Variants in EPHB1 observed in about 807,000 individuals in gnomAD.
EPHB1 encodes EPH receptor B1.
EPHB1 carries 30 observed loss-of-function variants against 94.4 expected under a neutral mutation model. That is an observed-to-expected ratio of 0.32 (90% CI 0.24 to 0.43). The LOEUF (loss-of-function observed/expected upper bound fraction) is 0.43. EPHB1 is among the 20% of genes least tolerant of loss of function. The pLI, the probability that EPHB1 is intolerant of heterozygous loss-of-function variation, is 1.00. For synonymous variants in EPHB1, 522 were observed against 489.1 expected, an observed-to-expected ratio of 1.07 and a Z score of -0.89; for missense variants, 1,055 against 1,308.3, an observed-to-expected ratio of 0.81 and a Z score of 2.99.
At chr3:134,804,656 C>T (rs912074162) in intron 1 of EPHB1, among the ~76,000 whole-genome samples, 28 of 152,186 alleles carry the variant, frequency 1.8e-4, no homozygotes, top group African/African-American at 6.5e-4. Context: ...TGTCTTTGGG[C>T]ACTTCTACAA....
rs112369480 is a variant in EPHB1 at position 135,015,710 on chromosome 3, G to A, written c.805+63658G>A. ...CAGAAAATGCTGATCTTTTAACCTG[G>A]ATGAACTTGAAAATGGCCTGGGGGA... On this transcript the variant is annotated intron_variant, in intron 3 of 15. Transcript: ENST00000398015. 1.9e-3 allele frequency among the ~76,000 whole-genome samples: 286 copies of A among 152,320 alleles called. 1 individual carries two copies. The highest frequency in any genetic ancestry group is 6.5e-3 in the African/African-American group (270 of 41,566).
At chr3:135,251,840 G>T (rs541258481) in intron 15 of EPHB1, among the ~76,000 whole-genome samples, 1 of 152,182 alleles carries the variant, frequency 6.6e-6, no homozygotes, top group Non-Finnish European at 1.5e-5. Context: ...AGCTGTGCTG[G>T]GTTCAGGGGG....
intron 3 of EPHB1, among the ~76,000 whole-genome samples, chr3:134,982,083 C>A (rs990925411): frequency 2.0e-5 from 3 of 152,330 alleles, no homozygotes; most frequent in African/African-American, 2.4e-5. Context: ...TACAAGGTGG[C>A]AGAATTGAGA....
intron 3 of EPHB1, among the ~76,000 whole-genome samples, chr3:134,984,194 G>A (rs550114031): frequency 2.4e-4 from 37 of 152,170 alleles, no homozygotes; most frequent in Admixed American, 6.5e-4. Flanking sequence ...TCTTTGCATT[G>A]CCAGTGGAAA....
At chr3:134,851,955 A>G (rs2036994565) in intron 1 of EPHB1, among the ~76,000 whole-genome samples, 1 of 152,182 alleles carries the variant, frequency 6.6e-6, no homozygotes, top group Admixed American at 6.5e-5. Flanking sequence ...TGAGATCTTA[A>G]TGCATCCTTC....
intron 3 of EPHB1, among the ~76,000 whole-genome samples, chr3:134,971,114 A>G (rs1933954865): frequency 1.3e-5 from 2 of 152,178 alleles, no homozygotes; most frequent in South Asian, 2.1e-4. Context: ...GCTAGAATGG[A>G]AGCTTTCAAC....
intron 3 of EPHB1, among the ~76,000 whole-genome samples, chr3:135,041,605 G>T (rs1443498691): frequency 6.6e-6 from 1 of 152,204 alleles, no homozygotes; most frequent in East Asian, 1.9e-4. Context: ...CCCCAAATAG[G>T]ATAGGGTTGC....
chr3:134,857,387 C>T (rs955908968), intron 1 of EPHB1, among the ~76,000 whole-genome samples: 3 of 152,100 alleles, frequency 2.0e-5, no homozygotes, highest in African/African-American at 7.2e-5. Context: ...GGTCTTGGTT[C>T]CTACTTTCGA....
chr3:134,963,937 T>A (rs1489730693), intron 3 of EPHB1, among the ~76,000 whole-genome samples: 1 of 152,176 alleles, frequency 6.6e-6, no homozygotes, highest in African/African-American at 2.4e-5. Flanking sequence ...TATTCACCAG[T>A]GAGAGTGAAC....
At chr3:135,001,082 C>T (rs1935156470) in intron 3 of EPHB1, among the ~76,000 whole-genome samples, 3 of 152,152 alleles carry the variant, frequency 2.0e-5, no homozygotes, top group African/African-American at 7.2e-5. Flanking sequence ...AGGAGGGTGT[C>T]AGAGGCCTTT....
At chr3:134,939,073 C>T (rs1001110251) in intron 2 of EPHB1, among the ~76,000 whole-genome samples, 2 of 152,146 alleles carry the variant, frequency 1.3e-5, no homozygotes, top group African/African-American at 4.8e-5. Flanking sequence ...GACCTTGTTA[C>T]AGTATTATCT....
intron 3 of EPHB1, among the ~76,000 whole-genome samples, chr3:135,005,130 G>A (rs974405546): frequency 6.6e-6 from 1 of 152,140 alleles, no homozygotes; most frequent in Non-Finnish European, 1.5e-5. Context: ...TGTACAGATG[G>A]GTTTTTGGTG....
intron 3 of EPHB1, among the ~76,000 whole-genome samples, chr3:134,962,820 C>T (rs945271857): frequency 6.6e-6 from 1 of 151,938 alleles, no homozygotes; most frequent in Non-Finnish European, 1.5e-5. Flanking sequence ...TTCATTTCTT[C>T]AGCCTTCACC....
chr3:135,198,611 A>G (rs1942682627), intron 11 of EPHB1, among the ~76,000 whole-genome samples: 1 of 152,190 alleles, frequency 6.6e-6, no homozygotes, highest in Non-Finnish European at 1.5e-5. Flanking sequence ...CCAGGAAGCC[A>G]TGAAAACCCA....
Position 135,162,096 on chromosome 3 carries a change from G to T in EPHB1, c.1501G>T (p.Val501Leu). The T allele has an allele frequency of 1.2e-6, 2 of 1,613,560 alleles. No homozygotes were observed. The highest frequency in any genetic ancestry group is 1.3e-5 in the African/African-American group (1 of 75,022). ...GATTGATGGGCTGCGGCCTGGCATG[G>T]TATATGTGGTACAGGTGCGTGCCCG... ...ARIDGLRPGMVYVVQVRARTV... is the reference protein window; with the variant it reads ...ARIDGLRPGMLYVVQVRARTV... The change falls in exon 7 of 16, where the codon GTA becomes TTA. Residue 501 changes from valine to leucine, a missense_variant. Coordinates refer to ENST00000398015, the MANE Select transcript of EPHB1 (RefSeq NM_004441.5).
chr3:135,040,007 T>C (rs1310691338), intron 3 of EPHB1, among the ~76,000 whole-genome samples: 1 of 152,204 alleles, frequency 6.6e-6, no homozygotes, highest in South Asian at 2.1e-4. Context: ...CTGAATACAT[T>C]GAGGGACTGT....
At chr3:134,856,661 C>CA (rs1560266367) in intron 1 of EPHB1, among the ~76,000 whole-genome samples, 3 of 152,146 alleles carry the variant, frequency 2.0e-5, no homozygotes, top group African/African-American at 7.2e-5. Flanking sequence ...GAGGTGCTGT[C>CA]GATGTAAAAT....
chr3:134,823,283 G>A (rs1386118852), intron 1 of EPHB1, among the ~76,000 whole-genome samples: 7 of 152,190 alleles, frequency 4.6e-5, no homozygotes, highest in Non-Finnish European at 5.9e-5. Context: ...CTGGCAGATC[G>A]CAGGAGCAGT....
Position 135,248,371 on chromosome 3 carries a change from C to T in EPHB1, c.2552C>T (p.Ala851Val). ...YRLPPPMDCP[A>V]ALHQLMLDCW... ...CTGCCCCCACCCATGGACTGTCCAGCTGCTCTACACCAGCTCATGCTGGAC... is the reference window on the plus strand; with the variant it reads ...CTGCCCCCACCCATGGACTGTCCAGTTGCTCTACACCAGCTCATGCTGGAC... Residue 851 changes from alanine (A) to valine (V), a missense_variant, in exon 14 of 16, where the codon GCT becomes GTT. Coordinates refer to ENST00000398015, the MANE Select transcript of EPHB1 (RefSeq NM_004441.5). The T allele has an allele frequency of 6.2e-7, 1 of 1,612,452 alleles. No individual in the cohort carries two copies. The highest frequency in any genetic ancestry group is 8.5e-7 in the Non-Finnish European group (1 of 1,178,872).
Sources: gnomAD v4.1 joint callset for allele counts (sites outside exome capture counted in the v4.1 genomes callset) on GRCh38, gnomAD v4.1.1 for gene constraint, MANE v1.5 for transcripts, NCBI Gene and HGNC (gene_info 2026-07-23, HGNC 2026-07-21) for gene names.